IFT81: variants seen among roughly 807,000 people sequenced by gnomAD.
IFT81 encodes the protein intraflagellar transport 81.
A neutral mutation model predicts 102.6 loss-of-function variants in IFT81; 72 were observed. The ratio of observed to expected loss-of-function variants is 0.70; its 90% CI spans 0.58 to 0.85. IFT81 has a LOEUF of 0.85. Among genes scored for constraint, IFT81 ranks in the 40% least tolerant of loss-of-function variants. The probability of loss-of-function intolerance (pLI) is 0.00; values close to 1 mark genes in which losing one functional copy is unlikely to be tolerated. For synonymous variants in IFT81, 237 were observed against 242.7 expected (o/e 0.98, Z 0.22); for missense variants, 723 against 787.3 (o/e 0.92, Z 0.98).
At chr12:110,134,198 A>G (rs1460385106) in intron 5 of IFT81, among the ~76,000 whole-genome samples, 3 of 152,078 alleles carry the variant, frequency 2.0e-5, no homozygotes, top group African/African-American at 7.2e-5. Context: ...CAAAATTTCA[A>G]CATGTTGGCC....
Position 110,216,960 on chromosome 12 carries a change from C to G in IFT81, c.1849-1084C>G, listed in dbSNP as rs566073186. On this transcript the variant is annotated intron_variant, in intron 18 of 18. Coordinates refer to ENST00000242591, the MANE Select transcript of IFT81 (RefSeq NM_014055.4). ...TCTAAAACAAAATGTGGACATTTCT[C>G]AGGCTTAGGCTAATAAATGAATTAT... 1.4e-3 allele frequency: 269 copies of G among 196,500 alleles called. 3 individuals are homozygous for G. Among genetic ancestry groups the G allele is most frequent in the South Asian group, 9.7e-3 (119 of 12,266 alleles). 12.2% of individuals were successfully genotyped at this position (196,500 alleles called of 1,614,324 possible). A position where few individuals can be genotyped will look rare whatever the true frequency, so the allele number is the denominator to read the frequency against.
At chr12:110,191,424 G>A (rs1057313959) in intron 13 of IFT81, among the ~76,000 whole-genome samples, 7 of 152,224 alleles carry the variant, frequency 4.6e-5, no homozygotes, top group East Asian at 1.9e-4. Context: ...ACCTGCCTCA[G>A]CCTCCCAAAG....
intron 12 of IFT81, among the ~76,000 whole-genome samples, chr12:110,185,729 G>A (rs942781903): frequency 6.6e-6 from 1 of 151,964 alleles, no homozygotes; most frequent in African/African-American, 2.4e-5. Flanking sequence ...AAGTACCTGG[G>A]ACTACAGGCG....
intron 18 of IFT81, chr12:110,216,591 C>T (rs1428839996): frequency 2.2e-6 from 1 of 452,706 alleles, no homozygotes; most frequent in Non-Finnish European, 4.4e-6. Flanking sequence ...AATCTTGGCT[C>T]ACTCTGCCTT....
chr12:110,154,196 T>C (rs1460850805), intron 10 of IFT81, among the ~76,000 whole-genome samples: 1 of 149,308 alleles, frequency 6.7e-6, no homozygotes. Flanking sequence ...TCTTGGCCAG[T>C]CTGGTCTTGA....
chr12:110,215,453 CTTTTTTTTTTTTT>C (rs556887393), intron 18 of IFT81, among the ~76,000 whole-genome samples: 4 of 61,936 alleles, frequency 6.5e-5, no homozygotes, highest in East Asian at 7.7e-4. Flanking sequence ...TCTTCTTCTT[CTTTTTTTTTTTTT>C]TTTTTTTTTT....
At chr12:110,131,531 A>G (rs1894162533) in intron 4 of IFT81, among the ~76,000 whole-genome samples, 1 of 151,934 alleles carries the variant, frequency 6.6e-6, no homozygotes, top group Admixed American at 6.6e-5. Flanking sequence ...TATTTTTAGT[A>G]GAGACAGGGT....
At chr12:110,136,898 A>G in intron 8 of IFT81, 38 bp downstream of exon 8, 1 of 1,230,706 alleles carries the variant, frequency 8.1e-7, no homozygotes, top group Non-Finnish European at 1.2e-6. Context: ...ATGATTAGAA[A>G]ATATTAATTT....
chr12:110,143,245 T>C (rs1895002017), intron 8 of IFT81, 137 bp from the exon 9 acceptor site: 1 of 380,794 alleles, frequency 2.6e-6, no homozygotes, highest in South Asian at 1.3e-4. Flanking sequence ...GGCCAATCTT[T>C]TATTGTACTA....
At chr12:110,196,943 G>A (rs1168219642) in intron 14 of IFT81, among the ~76,000 whole-genome samples, 2 of 152,092 alleles carry the variant, frequency 1.3e-5, no homozygotes, top group Admixed American at 6.6e-5. Flanking sequence ...GCTCATGACT[G>A]TAATCCTAGC....
At chr12:110,153,312 G>A (rs1029048964) in intron 10 of IFT81, among the ~76,000 whole-genome samples, 5 of 152,040 alleles carry the variant, frequency 3.3e-5, no homozygotes, top group Admixed American at 1.3e-4. Flanking sequence ...TCGGCTCACC[G>A]CAACCTCCGC....
In IFT81 at chr12:110,128,958, T is replaced by C. The variant is rs776402562; in HGVS notation, c.257T>C (p.Phe86Ser). 1 of 1,613,388 alleles carries C rather than the reference T, an allele frequency of 6.2e-7. No individual in the cohort carries two copies. The highest frequency in any genetic ancestry group is 1.1e-5 in the South Asian group (1 of 90,992). ...GTGTGTTTCTCTCTTAGGAGTACTT[T>C]TCGTCAGGGTTTGGTGATTGGAAGT... is the stretch of plus-strand genomic sequence containing the variant. Reference protein sequence around the residue: ...PSGNATDMSTFRQGLVIGSKP... With the variant: ...PSGNATDMSTSRQGLVIGSKP... Residue 86 changes from phenylalanine (F) to serine (S), a missense_variant, in exon 4 of 19, where the codon TTT becomes TCT. Physicochemically the swap from Phe to Ser is radical, Grantham distance 155. Transcript: ENST00000242591.
chr12:110,208,444 T>C (rs1030587770), intron 17 of IFT81, among the ~76,000 whole-genome samples: 1 of 151,952 alleles, frequency 6.6e-6, no homozygotes, highest in Non-Finnish European at 1.5e-5. Flanking sequence ...AGGTGGAGGC[T>C]ACAATGAGGT....
At chr12:110,158,756 A>AT (rs1895982002) in intron 10 of IFT81, among the ~76,000 whole-genome samples, 1 of 151,664 alleles carries the variant, frequency 6.6e-6, no homozygotes, top group South Asian at 2.1e-4. Flanking sequence ...CGCCCGTCTA[A>AT]TTTTTTGTAT....
chr12:110,165,023 G>C (rs1016758745), intron 11 of IFT81, among the ~76,000 whole-genome samples: 1 of 151,880 alleles, frequency 6.6e-6, no homozygotes. Flanking sequence ...AAAAAACCTA[G>C]TGCCAGGTTA....
chr12:110,183,864 T>C (rs982633624), intron 12 of IFT81, among the ~76,000 whole-genome samples: 1 of 152,160 alleles, frequency 6.6e-6, no homozygotes, highest in Non-Finnish European at 1.5e-5. Flanking sequence ...AGCACCCTTT[T>C]TCTTCTCTGT....
intron 8 of IFT81, among the ~76,000 whole-genome samples, chr12:110,142,762 G>A (rs1442172377): frequency 6.6e-6 from 1 of 151,924 alleles, no homozygotes; most frequent in African/African-American, 2.4e-5. Context: ...GCGTGGTGAT[G>A]TACACCTGTG....
Position 110,192,453 on chromosome 12 carries a change from T to C in IFT81, c.1468-164T>C, listed in dbSNP as rs142382153. ...TAAATAGTATAGTATTCCATCTTGC[T>C]GAGGAATCAGGATTTTCTAAAGCAC... On this transcript the variant is annotated intron_variant, in intron 13 of 18. Transcript: ENST00000242591. Among the ~76,000 whole-genome samples, 1,045 of 152,330 alleles carry C rather than the reference T, an allele frequency of 6.9e-3. 1 individual carries two copies. The highest frequency in any genetic ancestry group is 9.4e-3 in the Non-Finnish European group (642 of 68,032).
intron 10 of IFT81, among the ~76,000 whole-genome samples, chr12:110,148,484 T>A (rs1045934032): frequency 6.6e-6 from 1 of 152,086 alleles, no homozygotes; most frequent in African/African-American, 2.4e-5. Flanking sequence ...GACTACTTTT[T>A]TTTTTTCTTT....
Sources: allele counts gnomAD v4.1 joint callset (sites outside exome capture counted in the v4.1 genomes callset), GRCh38; gene constraint gnomAD v4.1.1; transcripts MANE v1.5; gene names NCBI Gene and HGNC (gene_info 2026-07-23, HGNC 2026-07-21).